Variants in FSTL5 observed in about 807,000 individuals in gnomAD.
FSTL5 encodes follistatin like 5.
In FSTL5, 62 loss-of-function variants were observed where a neutral mutation model predicts 89.1. That is an observed-to-expected ratio of 0.70 (90% CI 0.57 to 0.86). FSTL5 has a LOEUF of 0.86. Ranked by LOEUF, FSTL5 falls within the 40% of genes least tolerant of loss-of-function variation. The pLI, the probability that FSTL5 is intolerant of heterozygous loss-of-function variation, is 0.00. For missense variants in FSTL5, 1,057 were observed against 1,001.6 expected, an observed-to-expected ratio of 1.06 and a Z score of -0.75; for synonymous variants, 383 against 346.2, an observed-to-expected ratio of 1.11 and a Z score of -1.18.
intron 4 of FSTL5, among the ~76,000 whole-genome samples, chr4:161,822,305 A>T (rs1327630110): frequency 6.6e-6 from 1 of 152,106 alleles, no homozygotes; most frequent in Non-Finnish European, 1.5e-5. Flanking sequence ...TGTTCCGCCC[A>T]CACAGCCTGG....
intron 6 of FSTL5, among the ~76,000 whole-genome samples, chr4:161,684,836 A>G (rs1737659276): frequency 6.6e-6 from 1 of 152,136 alleles, no homozygotes; most frequent in Non-Finnish European, 1.5e-5. Context: ...GCCTAAGCCA[A>G]TGTCTAGAAG....
chr4:161,451,063 C>A (rs1733146648), intron 15 of FSTL5, among the ~76,000 whole-genome samples: 2 of 152,060 alleles, frequency 1.3e-5, no homozygotes, highest in South Asian at 4.1e-4. Context: ...TCATTTTTAA[C>A]AGCCACTTTT....
intron 15 of FSTL5, among the ~76,000 whole-genome samples, chr4:161,411,740 G>A (rs1731600212): frequency 1.3e-5 from 2 of 152,060 alleles, no homozygotes; most frequent in South Asian, 4.1e-4. Flanking sequence ...TACTGAATGG[G>A]CAAAAGCTCA....
intron 13 of FSTL5, among the ~76,000 whole-genome samples, chr4:161,480,466 C>T (rs977740965): frequency 6.6e-6 from 1 of 152,200 alleles, no homozygotes; most frequent in Non-Finnish European, 1.5e-5. Flanking sequence ...GTGGCTCAAA[C>T]TTGAAGTATG....
intron 4 of FSTL5, among the ~76,000 whole-genome samples, chr4:161,884,384 T>C (rs1732734825): frequency 6.6e-6 from 1 of 152,148 alleles, no homozygotes; most frequent in Non-Finnish European, 1.5e-5. Context: ...ACTATACAAA[T>C]ATAAGGAATT....
At chr4:161,423,270 C>A (rs539562651) in intron 15 of FSTL5, among the ~76,000 whole-genome samples, 1 of 151,960 alleles carries the variant, frequency 6.6e-6, no homozygotes, top group Non-Finnish European at 1.5e-5. Context: ...TATTATGATC[C>A]TTCTTTAAAG....
chr4:161,483,739 A>G (rs1039762667), intron 12 of FSTL5, among the ~76,000 whole-genome samples: 2 of 152,162 alleles, frequency 1.3e-5, no homozygotes, highest in South Asian at 2.1e-4. Context: ...TAGAGATTTA[A>G]TGGGCCAAAA....
chr4:161,422,031 C>T (rs1732008049), intron 15 of FSTL5, among the ~76,000 whole-genome samples: 1 of 151,386 alleles, frequency 6.6e-6, no homozygotes, highest in African/African-American at 2.4e-5. Flanking sequence ...CTTATATGTG[C>T]TATGTATATT....
intron 4 of FSTL5, among the ~76,000 whole-genome samples, chr4:161,866,465 AGTGT>A (rs70937692): frequency 0.01 from 1,323 of 131,922 alleles, 20 homozygotes; most frequent in African/African-American, 0.023. Context: ...TCTAAGCTGT[AGTGT>A]GTGTGTGTGT....
intron 10 of FSTL5, among the ~76,000 whole-genome samples, chr4:161,524,204 T>C (rs1428522316): frequency 6.6e-6 from 1 of 152,156 alleles, no homozygotes. Context: ...CCTTTCAAAC[T>C]CAACCAACAA....
chr4:161,535,196 C>T (rs958404000), intron 10 of FSTL5, among the ~76,000 whole-genome samples: 1 of 151,854 alleles, frequency 6.6e-6, no homozygotes, highest in South Asian at 2.1e-4. Flanking sequence ...CAAAAGCAAT[C>T]GCAACAGAAT....
At chr4:161,662,722 GTAAAA>G (rs1309562147) in intron 6 of FSTL5, among the ~76,000 whole-genome samples, 3 of 152,230 alleles carry the variant, frequency 2.0e-5, no homozygotes, top group African/African-American at 7.2e-5. Context: ...TTCCATAAAT[GTAAAA>G]GACACCAATC....
intron 7 of FSTL5, among the ~76,000 whole-genome samples, chr4:161,650,563 T>C (rs2126677385): frequency 6.6e-6 from 1 of 152,282 alleles, no homozygotes; most frequent in South Asian, 2.1e-4. Flanking sequence ...TGGGGAGCTT[T>C]ACATTTGGTA....
At chr4:162,025,077 T>A (rs190897449) in intron 3 of FSTL5, among the ~76,000 whole-genome samples, 166 of 146,900 alleles carry the variant, frequency 1.1e-3, no homozygotes, top group Non-Finnish European at 1.7e-3. Context: ...GTCTACTGTA[T>A]TTTTTTTTCA....
chr4:161,897,355 AGT>A (rs1334351660), intron 4 of FSTL5, among the ~76,000 whole-genome samples: 1 of 151,568 alleles, frequency 6.6e-6, no homozygotes, highest in South Asian at 2.1e-4. Context: ...AAAATTCCTG[AGT>A]TCTCTGTGAT....
chr4:161,749,937 A>C (rs957006966), intron 6 of FSTL5, among the ~76,000 whole-genome samples: 1 of 152,228 alleles, frequency 6.6e-6, no homozygotes, highest in Admixed American at 6.5e-5. Flanking sequence ...CGGGTACATT[A>C]GAAGCCCAGT....
intron 15 of FSTL5, chr4:161,387,585 GCAAT>G (rs1295801771): frequency 2.6e-5 from 4 of 151,884 alleles, no homozygotes; most frequent in African/African-American, 4.8e-5. Context: ...AAAATATGGT[GCAAT>G]CAGAGTAATA....
chr4:161,515,881 T>C (rs1209415712), intron 10 of FSTL5, among the ~76,000 whole-genome samples: 1 of 151,424 alleles, frequency 6.6e-6, no homozygotes, highest in Non-Finnish European at 1.5e-5. Context: ...CAGTAGTATA[T>C]GTTCCTGCAA....
At chr4:161,654,734 G>T (rs769356169) in intron 7 of FSTL5, among the ~76,000 whole-genome samples, 17 of 152,056 alleles carry the variant, frequency 1.1e-4, no homozygotes, top group Non-Finnish European at 1.9e-4. Flanking sequence ...TAAGAGGAAA[G>T]GTGATGGCTT....
Sources: allele counts gnomAD v4.1 joint callset (sites outside exome capture counted in the v4.1 genomes callset), GRCh38; gene constraint gnomAD v4.1.1; transcripts MANE v1.5; gene names NCBI Gene and HGNC (gene_info 2026-07-23, HGNC 2026-07-21).